The following FNIP1 variants were observed in gnomAD, a reference collection of about 807,000 sequenced individuals.
FNIP1 encodes folliculin-interacting protein 1.
FNIP1 carries 40 observed loss-of-function variants against 124.5 expected under a neutral mutation model. The observed-to-expected ratio is 0.32, with a 90% CI of 0.25 to 0.42. The LOEUF is 0.42. Ranked by LOEUF, FNIP1 falls within the 10% of genes least tolerant of loss-of-function variation. The pLI is 1.00. For missense variants in FNIP1, 1,176 were observed against 1,403.7 expected, an observed-to-expected ratio of 0.84 and a Z score of 2.59; for synonymous variants, 472 against 470.6, an observed-to-expected ratio of 1.00 and a Z score of -0.04.
chr5:131,644,469 C>A lies in FNIP1; in HGVS notation c.*216G>T. The A allele has an allele frequency of 2.6e-6, 1 of 382,392 alleles. No individual in the cohort carries two copies. 23.7% of individuals were successfully genotyped at this position (382,392 alleles called of 1,614,324 possible). On this transcript the variant is annotated 3_prime_UTR_variant, in exon 18 of 18. Coordinates refer to ENST00000510461, the MANE Select transcript of FNIP1 (RefSeq NM_133372.3). ...TTCAAAATTATTGTTGCTTTAATTT[C>A]ATTTGTTTAAAAATCTACCACCACC...
At chr5:131,661,453 G>A (rs1767433599) in intron 15 of FNIP1, among the ~76,000 whole-genome samples, 1 of 152,056 alleles carries the variant, frequency 6.6e-6, no homozygotes. Context: ...CTACCTTGAG[G>A]GGATCAAAGA....
chr5:131,729,736 C>G (rs1011227332), intron 3 of FNIP1, among the ~76,000 whole-genome samples: 1 of 152,016 alleles, frequency 6.6e-6, no homozygotes, highest in African/African-American at 2.4e-5. Flanking sequence ...CACCACCACA[C>G]ACAGCTAATT....
chr5:131,788,216 G>A (rs1375637666), intron 1 of FNIP1, among the ~76,000 whole-genome samples: 1 of 152,194 alleles, frequency 6.6e-6, no homozygotes, highest in African/African-American at 2.4e-5. Context: ...CAACTTGGTA[G>A]ACTAAGAGAA....
chr5:131,763,615 A>C (rs1041050385), intron 1 of FNIP1, among the ~76,000 whole-genome samples: 4 of 151,102 alleles, frequency 2.6e-5, no homozygotes, highest in Non-Finnish European at 5.9e-5. Flanking sequence ...TCTCATGAGA[A>C]CTCCACCCCC....
chr5:131,693,317 C>CATAT (rs1561658252), intron 11 of FNIP1, among the ~76,000 whole-genome samples: 7 of 41,584 alleles, frequency 1.7e-4, no homozygotes, highest in Admixed American at 3.8e-4. Flanking sequence ...TATATATATA[C>CATAT]ACATATATAT....
chr5:131,697,252 A>C (rs1036034516), intron 11 of FNIP1, among the ~76,000 whole-genome samples: 1 of 152,220 alleles, frequency 6.6e-6, no homozygotes, highest in Non-Finnish European at 1.5e-5. Context: ...TAAAATTTAC[A>C]CAGTGGTACG....
At chr5:131,647,278 CATA>C (rs1766913976) in intron 16 of FNIP1, 73 bp from the exon 17 acceptor site, 1 of 1,085,266 alleles carries the variant, frequency 9.2e-7, no homozygotes, top group East Asian at 2.4e-5. Context: ...AACTCCAAAA[CATA>C]ATGTTTTTGA....
At chr5:131,665,136 T>C (rs917091590) in intron 15 of FNIP1, among the ~76,000 whole-genome samples, 10 of 152,018 alleles carry the variant, frequency 6.6e-5, no homozygotes, top group African/African-American at 2.2e-4. Flanking sequence ...ACAGTGTAAG[T>C]CTGGTAAACA....
chr5:131,662,733 A>ATTTTTTTTTTT (rs34051607), intron 15 of FNIP1, among the ~76,000 whole-genome samples: 2 of 76,952 alleles, frequency 2.6e-5, no homozygotes, highest in East Asian at 3.4e-4. Flanking sequence ...GATATTCTAG[A>ATTTTTTTTTTT]TTTTTTTTTT....
At chr5:131,678,929 A>G in intron 12 of FNIP1, 100 bp downstream of exon 12, 1 of 780,088 alleles carries the variant, frequency 1.3e-6, no homozygotes, top group East Asian at 2.9e-5. Flanking sequence ...ATTTTGATTA[A>G]TAATATAAAA....
rs1161030092 is a variant in FNIP1, at chr5:131,672,391, C to T, written c.2053G>A (p.Gly685Arg). The T allele has an allele frequency of 7.4e-6, 12 of 1,614,140 alleles. No individual in the cohort carries two copies. The highest frequency in any genetic ancestry group is 1.7e-5 in the Admixed American group (1 of 60,030). Residue 685 changes from glycine (G) to arginine (R), a missense_variant, in exon 14 of 18, where the codon GGA becomes AGA. Gly to Arg is a moderately radical substitution (Grantham distance 125). Coordinates refer to ENST00000510461, the MANE Select transcript of FNIP1 (RefSeq NM_133372.3). Reference protein sequence around the residue: ...DAKLETVVCTGSVPVDKCALS... With the variant: ...DAKLETVVCTRSVPVDKCALS... ...GCACATTTGTCTACTGGAACAGATCCTGTGCAAACAACTGTCTCTAACTTG... is the reference window on the plus strand; with the variant it reads ...GCACATTTGTCTACTGGAACAGATCTTGTGCAAACAACTGTCTCTAACTTG...
At chr5:131,689,567 T>C (rs569761604) in intron 11 of FNIP1, among the ~76,000 whole-genome samples, 2 of 152,276 alleles carry the variant, frequency 1.3e-5, no homozygotes, top group South Asian at 4.1e-4. Context: ...TGTTATGAAG[T>C]ATGTGCACTC....
chr5:131,729,585 A>C (rs956762798), intron 3 of FNIP1, among the ~76,000 whole-genome samples: 1 of 151,990 alleles, frequency 6.6e-6, no homozygotes, highest in African/African-American at 2.4e-5. Context: ...CCCTATATAC[A>C]TATTTTTTTT....
chr5:131,744,378 C>A (rs1190337589), intron 2 of FNIP1, among the ~76,000 whole-genome samples, 186 bp downstream of exon 2: 1 of 152,092 alleles, frequency 6.6e-6, no homozygotes, highest in Admixed American at 6.6e-5. Context: ...TTCTATGACT[C>A]CTAAGCATCA....
intron 1 of FNIP1, among the ~76,000 whole-genome samples, chr5:131,785,016 A>G (rs1203662981): frequency 7.1e-5 from 1 of 14,174 alleles, no homozygotes; most frequent in African/African-American, 2.0e-4. Context: ...GACTATATAT[A>G]TGATATATAT....
At chr5:131,674,736 AAGG>A (rs1205982672) in intron 13 of FNIP1, among the ~76,000 whole-genome samples, 1 of 152,154 alleles carries the variant, frequency 6.6e-6, no homozygotes, top group Non-Finnish European at 1.5e-5. Context: ...AAGAAAAAAA[AAGG>A]AGAATACAAA....
At position 131,733,312 on chromosome 5, in the gene FNIP1, C is replaced by T. The variant is rs187903731; in HGVS notation, c.220-2274G>A. The stretch of plus-strand genomic sequence containing the variant: ...AACTTCCTCTTTTCCTAAATGAATA[C>T]CCTTTATTTCTTTCTCCTGCCTGAT... On this transcript the variant is annotated intron_variant, in intron 2 of 17. Coordinates refer to ENST00000510461, the MANE Select transcript of FNIP1 (RefSeq NM_133372.3). 1.0e-3 allele frequency among the ~76,000 whole-genome samples: 158 copies of T among 152,190 alleles called. 1 individual carries two copies. The highest frequency in any genetic ancestry group is 3.6e-3 in the African/African-American group (151 of 41,514).
chr5:131,687,955 C>G (rs1295266373), intron 11 of FNIP1, among the ~76,000 whole-genome samples: 1 of 152,082 alleles, frequency 6.6e-6, no homozygotes, highest in Non-Finnish European at 1.5e-5. Flanking sequence ...AAAGGTCTGC[C>G]CTCCAAATAA....
chr5:131,788,656 G>A (rs1001861345), intron 1 of FNIP1, among the ~76,000 whole-genome samples: 3 of 144,544 alleles, frequency 2.1e-5, no homozygotes, highest in Non-Finnish European at 4.5e-5. Flanking sequence ...AGCCGGGATT[G>A]TGCCACTGCA....
Sources: gnomAD v4.1 joint callset for allele counts (sites outside exome capture counted in the v4.1 genomes callset) on GRCh38, gnomAD v4.1.1 for gene constraint, MANE v1.5 for transcripts, NCBI Gene and HGNC (gene_info 2026-07-23, HGNC 2026-07-21) for gene names.